GALK2: variants seen among roughly 807,000 people sequenced by gnomAD.
GALK2 encodes the protein galactokinase 2.
Under a neutral mutation model 52.4 loss-of-function variants are expected in GALK2, and 36 were observed. The ratio of observed to expected loss-of-function variants is 0.69; its 90% CI spans 0.53 to 0.91. The LOEUF (loss-of-function observed/expected upper bound fraction) is 0.91. Ranked by LOEUF, GALK2 falls within the 40% of genes least tolerant of loss-of-function variation. The pLI is 0.00. For synonymous variants in GALK2, 176 were observed against 199.1 expected (o/e 0.88, Z 0.98); for missense variants, 579 against 559.1 (o/e 1.04, Z -0.36).
chr15:49,159,804 A>G (rs972448046), intron 1 of GALK2, among the ~76,000 whole-genome samples: 4 of 152,188 alleles, frequency 2.6e-5, no homozygotes, highest in Non-Finnish European at 4.4e-5. Context: ...AATTGAAAGA[A>G]TAGTATAGTG....
intron 7 of GALK2, among the ~76,000 whole-genome samples, chr15:49,285,453 C>T (rs896968100): frequency 7.9e-5 from 12 of 152,210 alleles, no homozygotes; most frequent in Non-Finnish European, 1.3e-4. Flanking sequence ...AAGGCCTTGG[C>T]CTTGGTCGTC....
At chr15:49,244,709 TG>T (rs2091262922) in intron 5 of GALK2, among the ~76,000 whole-genome samples, 1 of 152,078 alleles carries the variant, frequency 6.6e-6, no homozygotes, top group African/African-American at 2.4e-5. Flanking sequence ...AGAGAGGAGT[TG>T]GGTATTTATA....
rs377279286 is a variant in GALK2 at position 49,361,396 on chromosome 15, C to T, written c.427-6095C>T. On this transcript the variant is annotated intron_variant, in intron 3 of 3. Transcript: ENST00000558399. ...GCAGTTTTTTGATCCTCACCCTCCT[C>T]CTTCCCTCCTCCCTCAAGTAGGTCC... Among the ~76,000 whole-genome samples the T allele has an allele frequency of 9.2e-5, 14 of 152,102 alleles. 1 individual carries two copies. The East Asian group carries it at 1.2e-3, about 13-fold the overall frequency.
At position 49,292,375 on chromosome 15, in the gene GALK2, G is replaced by A; in HGVS notation, c.805G>A (p.Glu269Lys). 1 of 1,614,118 alleles carries A rather than the reference G, an allele frequency of 6.2e-7. No homozygotes were observed. Among genetic ancestry groups the A allele is most frequent in the Non-Finnish European group, 8.5e-7 (1 of 1,179,980 alleles). Reference protein sequence around the residue: ...SLQWDKVLRLEEVQAKLGISL... With the variant: ...SLQWDKVLRLKEVQAKLGISL... ...GCAATGGGACAAAGTACTGAGGCTG[G>A]AGGAGGTGCAGGCTAAACTAGGGAT... is the stretch of plus-strand genomic sequence containing the variant. The change falls in exon 8 of 10, where the codon GAG (glutamate) becomes AAG (lysine). Residue 269 changes from glutamate (E) to lysine (K), a missense_variant. By Grantham distance (56) the Glu-to-Lys change is moderately conservative. Coordinates refer to ENST00000560031, the MANE Select transcript of GALK2 (RefSeq NM_002044.4).
Position 49,282,002 on chromosome 15 carries a change from A to C in GALK2, c.520A>C (p.Ile174Leu), listed in dbSNP as rs1273154375. Residue 174 changes from isoleucine to leucine, a missense_variant, in exon 6 of 10, where the codon ATC becomes CTC. By Grantham distance (5) the Ile-to-Leu change is conservative. Transcript: ENST00000560031. Reference sequence around the variant, plus strand: ...ACCTTTCCAGGTGGAACTTGCAGAAATCTGTGCCAAGAGTGAGCGTTACAT... The same window carrying C: ...ACCTTTCCAGGTGGAACTTGCAGAACTCTGTGCCAAGAGTGAGCGTTACAT... Reference protein sequence around the residue: ...RNLSKVELAEICAKSERYIGT... With the variant: ...RNLSKVELAELCAKSERYIGT... The C allele has an allele frequency of 6.2e-7, 1 of 1,613,122 alleles. No homozygotes were observed. The highest frequency in any genetic ancestry group is 1.1e-5 in the South Asian group (1 of 90,910).
chr15:49,260,368 T>A (rs906812558), intron 5 of GALK2, among the ~76,000 whole-genome samples: 8 of 151,944 alleles, frequency 5.3e-5, no homozygotes, highest in African/African-American at 1.9e-4. Flanking sequence ...TGTCTTCTTT[T>A]GAGAAGTGTC....
At chr15:49,349,239 C>G (rs954092795) in intron 3 of GALK2, among the ~76,000 whole-genome samples, 2 of 152,200 alleles carry the variant, frequency 1.3e-5, no homozygotes, top group South Asian at 2.1e-4. Context: ...ACAATACTTA[C>G]AATACTCATA....
intron 1 of GALK2, among the ~76,000 whole-genome samples, chr15:49,190,662 AG>A (rs2086663236): frequency 6.6e-6 from 1 of 152,224 alleles, no homozygotes; most frequent in African/African-American, 2.4e-5. Context: ...CTTAAAAGGT[AG>A]ACAAGACTGA....
chr15:49,286,578 T>TTAAA (rs1306549336), intron 7 of GALK2, among the ~76,000 whole-genome samples: 2 of 152,188 alleles, frequency 1.3e-5, no homozygotes, highest in East Asian at 3.8e-4. Context: ...AAAATTATGA[T>TTAAA]TTAAATGTTT....
chr15:49,326,006 A>G (rs2037417222), intron 9 of GALK2, among the ~76,000 whole-genome samples: 1 of 152,210 alleles, frequency 6.6e-6, no homozygotes, highest in African/African-American at 2.4e-5. Flanking sequence ...CAAATGAGAA[A>G]GTATAATAAA....
chr15:49,189,905 C>T (rs1032424293), intron 1 of GALK2, among the ~76,000 whole-genome samples: 2 of 152,018 alleles, frequency 1.3e-5, no homozygotes, highest in African/African-American at 2.4e-5. Flanking sequence ...AGCAGATAAC[C>T]GAAGCCACAG....
intron 5 of GALK2, among the ~76,000 whole-genome samples, chr15:49,276,161 A>G (rs1416926156): frequency 6.6e-6 from 1 of 152,202 alleles, no homozygotes; most frequent in Non-Finnish European, 1.5e-5. Context: ...AGGGATAGAG[A>G]GCAAAATGTC....
chr15:49,237,771 G>A (rs981496344), intron 4 of GALK2, among the ~76,000 whole-genome samples: 1 of 152,068 alleles, frequency 6.6e-6, no homozygotes. Flanking sequence ...CACTGCGCCC[G>A]GCTGATAAGT....
At position 49,253,323 on chromosome 15, in the gene GALK2, A is replaced by G. The variant is rs938882735; in HGVS notation, c.504+13956A>G. Among the ~76,000 whole-genome samples, 13 of 144,580 alleles carry G rather than the reference A, an allele frequency of 9.0e-5. 1 individual carries two copies. The highest frequency in any genetic ancestry group is 3.2e-4 in the African/African-American group (13 of 40,362). The allele number at this position is 144,580 out of a possible 152,430, so 94.9% of individuals were successfully genotyped here. ...AGGAGATCTCCACTAAATGGATCCC[A>G]GGGTTCTCTTGTCTACTACAGGTGT... On this transcript the variant is annotated intron_variant, in intron 5 of 9. Coordinates refer to ENST00000560031, the MANE Select transcript of GALK2 (RefSeq NM_002044.4).
chr15:49,203,154 A>G (rs989761238), intron 2 of GALK2, among the ~76,000 whole-genome samples: 3 of 152,034 alleles, frequency 2.0e-5, no homozygotes, highest in African/African-American at 7.2e-5. Flanking sequence ...GGGTTCGAGC[A>G]ATTCTCCTGC....
rs531459667 is a variant in GALK2 at position 49,296,724 on chromosome 15, C to T, written c.967+4187C>T. On this transcript the variant is annotated intron_variant, in intron 8 of 9. Coordinates refer to ENST00000560031, the MANE Select transcript of GALK2 (RefSeq NM_002044.4). ...AAGAGATTCTCCTGCCACAGCCTCC[C>T]GAGTAGCTGGGGTTATAGGCACCTG... is the stretch of plus-strand genomic sequence containing the variant. 1.1e-4 allele frequency among the ~76,000 whole-genome samples: 17 copies of T among 152,132 alleles called. 1 individual carries two copies. Among genetic ancestry groups the T allele is most frequent in the African/African-American group, 3.4e-4 (14 of 41,498 alleles).
At chr15:49,250,159 A>G (rs1273294633) in intron 5 of GALK2, among the ~76,000 whole-genome samples, 1 of 152,192 alleles carries the variant, frequency 6.6e-6, no homozygotes, top group Non-Finnish European at 1.5e-5. Flanking sequence ...AATTAAATTT[A>G]TGTTCAAGTG....
At chr15:49,175,765 C>T (rs1027223478) in intron 1 of GALK2, among the ~76,000 whole-genome samples, 2 of 152,132 alleles carry the variant, frequency 1.3e-5, no homozygotes, top group African/African-American at 4.8e-5. Context: ...AGTGCCACAC[C>T]CTGGGCCTGG....
chr15:49,223,458 G>A (rs2089946484), intron 3 of GALK2, among the ~76,000 whole-genome samples: 1 of 151,976 alleles, frequency 6.6e-6, no homozygotes, highest in South Asian at 2.1e-4. Flanking sequence ...GATGTTTGGG[G>A]TACAGATGAT....
Sources: gnomAD v4.1 joint callset for allele counts (sites outside exome capture counted in the v4.1 genomes callset) on GRCh38, gnomAD v4.1.1 for gene constraint, MANE v1.5 for transcripts, NCBI Gene and HGNC (gene_info 2026-07-23, HGNC 2026-07-21) for gene names.